Variants in CD86 observed in about 807,000 individuals in gnomAD.
The protein encoded by CD86 is CD86 molecule.
In CD86, 11 loss-of-function variants were observed where a neutral mutation model predicts 32.1. The observed-to-expected ratio is 0.34, with a 90% CI of 0.22 to 0.57. The LOEUF (loss-of-function observed/expected upper bound fraction) is 0.57, where lower values mean the gene tolerates loss of function less well. CD86 is among the 20% of genes least tolerant of loss of function. The pLI, the probability that CD86 is intolerant of heterozygous loss-of-function variation, is 0.86. For missense variants in CD86, 359 were observed against 398.4 expected (o/e 0.90, Z 0.84); for synonymous variants, 137 against 135.3 (o/e 1.01, Z -0.09).
chr3:122,103,928 G>T (rs2073051157), intron 3 of CD86, 81 bp downstream of exon 3: 4 of 1,169,108 alleles, frequency 3.4e-6, no homozygotes, highest in African/African-American at 1.5e-5. Flanking sequence ...ACTGGAGGGG[G>T]ACTTGAGGGG....
chr3:122,084,821 T>A (rs759121478), intron 1 of CD86, among the ~76,000 whole-genome samples: 1 of 152,164 alleles, frequency 6.6e-6, no homozygotes, highest in Non-Finnish European at 1.5e-5. Flanking sequence ...CTAGCCCAGA[T>A]TCAAAGAGAG....
In CD86 at chr3:122,103,408, T is replaced by A. The variant is rs184333802; in HGVS notation, c.65-104T>A. 873 of 731,448 alleles carry A rather than the reference T, an allele frequency of 1.2e-3. 12 individuals carry two copies. In the Admixed American group the frequency reaches 0.021, roughly 17 times the overall value. The allele number at this position is 731,448 out of a possible 1,614,324, so 45.3% of individuals were successfully genotyped here. ...GAGCTTAATATCTTATTCTTCAGCA[T>A]GATTACTGATAAGATAGTATCTGGG... On this transcript the variant is annotated intron_variant, in intron 2 of 6. Transcript: ENST00000330540.
At chr3:122,119,157 G>C (rs1292859459) in intron 6 of CD86, among the ~76,000 whole-genome samples, 1 of 152,186 alleles carries the variant, frequency 6.6e-6, no homozygotes, top group Non-Finnish European at 1.5e-5. Flanking sequence ...GTCACACTCA[G>C]TTTCAGAAAT....
chr3:122,060,065 G>A (rs2072309855), intron 1 of CD86, among the ~76,000 whole-genome samples: 1 of 152,146 alleles, frequency 6.6e-6, no homozygotes, highest in Admixed American at 6.5e-5. Context: ...TGTTACCACA[G>A]CCCCAGCAAA....
At chr3:122,096,895 A>G (rs149042703) in intron 2 of CD86, among the ~76,000 whole-genome samples, 1 of 152,384 alleles carries the variant, frequency 6.6e-6, no homozygotes, top group African/African-American at 2.4e-5. Flanking sequence ...TCTTATAAAC[A>G]ATGAATACCT....
At chr3:122,094,730 T>C (rs2072879522) in intron 2 of CD86, among the ~76,000 whole-genome samples, 2 of 10,240 alleles carry the variant, frequency 2.0e-4, no homozygotes, top group Admixed American at 5.3e-3. Flanking sequence ...AACTTTTCCC[T>C]CCCTATATTT....
At chr3:122,071,127 A>G (rs113455950) in intron 1 of CD86, among the ~76,000 whole-genome samples, 6,793 of 152,178 alleles carry the variant, frequency 0.045, 216 homozygotes, top group South Asian at 0.11. Flanking sequence ...CTTCATTATT[A>G]TTATTATTTA....
At chr3:122,062,134 T>A (rs2072347518) in intron 1 of CD86, among the ~76,000 whole-genome samples, 1 of 151,462 alleles carries the variant, frequency 6.6e-6, no homozygotes, top group Admixed American at 6.6e-5. Context: ...CACTAAATAT[T>A]AAAAAAAATG....
chr3:122,108,897 G>A (rs1295634923), intron 4 of CD86, among the ~76,000 whole-genome samples: 3 of 152,168 alleles, frequency 2.0e-5, no homozygotes, highest in African/African-American at 4.8e-5. Flanking sequence ...ACTGCAGAGG[G>A]GGGCAGGATA....
At position 122,119,451 on chromosome 3, in the gene CD86, A is replaced by G. The variant is rs777201533; in HGVS notation, c.907A>G (p.Ile303Val). The change falls in exon 7 of 7, where the codon ATA becomes GTA. Residue 303 changes from isoleucine to valine, a missense_variant. Transcript: ENST00000330540. ...CTATTTCTCCAGAGAAAAAATCCAT[A>G]TACCTGAAAGATCTGATGAAGCCCA... ...EQTKKREKIHIPERSDEAQRV... is the reference protein window; with the variant it reads ...EQTKKREKIHVPERSDEAQRV... 29 of 1,603,650 alleles carry G rather than the reference A, an allele frequency of 1.8e-5. No individual in the cohort carries two copies. The highest frequency in any genetic ancestry group is 2.4e-5 in the Non-Finnish European group (28 of 1,171,372).
intron 2 of CD86, among the ~76,000 whole-genome samples, chr3:122,101,513 A>AAAAAAAAAATAT (rs1202377219): frequency 2.2e-5 from 1 of 46,330 alleles, no homozygotes; most frequent in African/African-American, 8.5e-5. Flanking sequence ...AAAAAAAAAA[A>AAAAAAAAAATAT]ATATATATAT....
At chr3:122,115,149 ATAAG>A (rs1305960151) in intron 5 of CD86, among the ~76,000 whole-genome samples, 1 of 152,242 alleles carries the variant, frequency 6.6e-6, no homozygotes, top group Admixed American at 6.5e-5. Context: ...ATTAAAACTG[ATAAG>A]TGAGTGTAGC....
At chr3:122,081,013 C>A (rs1392939247) in intron 1 of CD86, among the ~76,000 whole-genome samples, 1 of 152,214 alleles carries the variant, frequency 6.6e-6, no homozygotes, top group African/African-American at 2.4e-5. Flanking sequence ...CAGCCGTCAC[C>A]TCTTGACAGG....
intron 1 of CD86, among the ~76,000 whole-genome samples, chr3:122,084,616 T>C (rs1347089721): frequency 1.3e-5 from 2 of 152,120 alleles, no homozygotes; most frequent in Admixed American, 1.3e-4. Flanking sequence ...GCTGGGACCA[T>C]TGACCCAAAC....
At chr3:122,096,866 C>G (rs181375650) in intron 2 of CD86, among the ~76,000 whole-genome samples, 11 of 152,324 alleles carry the variant, frequency 7.2e-5, no homozygotes, top group African/African-American at 2.4e-4. Flanking sequence ...AACCATTTAA[C>G]TTATTTCCAG....
intron 2 of CD86, among the ~76,000 whole-genome samples, chr3:122,099,583 A>T (rs1014545503): frequency 6.6e-6 from 1 of 152,202 alleles, no homozygotes; most frequent in Non-Finnish European, 1.5e-5. Flanking sequence ...GTAAGAACAG[A>T]TATGTAGACC....
chr3:122,115,925 C>T (rs2073243783), intron 5 of CD86, among the ~76,000 whole-genome samples: 1 of 151,930 alleles, frequency 6.6e-6, no homozygotes, highest in Admixed American at 6.6e-5. Flanking sequence ...AAGGTAATTC[C>T]ATGCAGAAAG....
chr3:122,084,173 G>C (rs958143703), intron 1 of CD86, among the ~76,000 whole-genome samples: 9 of 152,178 alleles, frequency 5.9e-5, no homozygotes, highest in Admixed American at 2.0e-4. Flanking sequence ...TTTTAGTAGA[G>C]ACGGGGTTTC....
intron 5 of CD86, among the ~76,000 whole-genome samples, chr3:122,112,714 CT>C (rs1205972769): frequency 6.6e-6 from 1 of 151,956 alleles, no homozygotes. Flanking sequence ...TTGACAGTGG[CT>C]TTTTTTGATA....
Sources: allele counts gnomAD v4.1 joint callset (sites outside exome capture counted in the v4.1 genomes callset), GRCh38; gene constraint gnomAD v4.1.1; transcripts MANE v1.5; gene names NCBI Gene and HGNC (gene_info 2026-07-23, HGNC 2026-07-21).